Variants in LPAR1 observed in about 807,000 individuals in gnomAD.
LPAR1 encodes LPA receptor 1.
A neutral mutation model predicts 23.8 loss-of-function variants in LPAR1; 5 were observed. The ratio of observed to expected loss-of-function variants is 0.21; its 90% CI spans 0.11 to 0.44. LPAR1 has a LOEUF of 0.44. LPAR1 is among the 20% of genes least tolerant of loss of function. LPAR1 has a pLI of 0.99. For synonymous variants in LPAR1, 160 were observed against 164.7 expected (o/e 0.97, Z 0.22); for missense variants, 311 against 482.8 (o/e 0.64, Z 3.33).
intron 5 of LPAR1, among the ~76,000 whole-genome samples, chr9:110,934,856 AGAGAG>A (rs1295260244): frequency 1.3e-5 from 2 of 152,050 alleles, no homozygotes; most frequent in African/African-American, 2.4e-5. Context: ...AGAGTGAGAG[AGAGAG>A]GAGAGGAGAG....
chr9:110,884,129 C>T (rs1372011044), intron 5 of LPAR1, among the ~76,000 whole-genome samples: 1 of 152,190 alleles, frequency 6.6e-6, no homozygotes, highest in Non-Finnish European at 1.5e-5. Flanking sequence ...CGAGTCCTTA[C>T]TTACTCGCCA....
At chr9:111,027,798 A>G (rs1369607744) in intron 2 of LPAR1, among the ~76,000 whole-genome samples, 1 of 147,920 alleles carries the variant, frequency 6.8e-6, no homozygotes, top group Non-Finnish European at 1.5e-5. Flanking sequence ...CACTGTGTGG[A>G]TAAGCTCAAA....
At chr9:110,877,722 T>C (rs1056052660) in intron 5 of LPAR1, among the ~76,000 whole-genome samples, 3 of 152,230 alleles carry the variant, frequency 2.0e-5, no homozygotes, top group Admixed American at 2.0e-4. Context: ...CCCTTCCTTT[T>C]ATCAAAGCTC....
chr9:110,878,951 T>C (rs1433209239), intron 5 of LPAR1, among the ~76,000 whole-genome samples: 1 of 152,024 alleles, frequency 6.6e-6, no homozygotes, highest in Admixed American at 6.5e-5. Flanking sequence ...GGGAAGCAAA[T>C]CATTTTGGAG....
chr9:111,010,426 A>G (rs2097311422), intron 2 of LPAR1, among the ~76,000 whole-genome samples: 1 of 152,088 alleles, frequency 6.6e-6, no homozygotes, highest in Admixed American at 6.6e-5. Context: ...TGGGAACCAG[A>G]GCAGTGGAAG....
chr9:110,924,920 A>T (rs2093900246), intron 5 of LPAR1, among the ~76,000 whole-genome samples: 1 of 152,086 alleles, frequency 6.6e-6, no homozygotes, highest in African/African-American at 2.4e-5. Context: ...CTCAATAATT[A>T]TCTATGTATA....
chr9:110,977,859 GGAAGGAA>G (rs2096590410), intron 2 of LPAR1, among the ~76,000 whole-genome samples: 20 of 111,598 alleles, frequency 1.8e-4, no homozygotes, highest in African/African-American at 7.2e-4. Context: ...AAGGAAGGAA[GGAAGGAA>G]GGAAGGAAGG....
At chr9:110,888,108 C>T (rs1006074075) in intron 5 of LPAR1, among the ~76,000 whole-genome samples, 2 of 152,102 alleles carry the variant, frequency 1.3e-5, no homozygotes, top group African/African-American at 4.8e-5. Flanking sequence ...ATGCCTCTAA[C>T]AGTGTTTAGA....
chr9:110,970,031 T>A (rs1260049739), intron 4 of LPAR1, among the ~76,000 whole-genome samples: 1 of 152,160 alleles, frequency 6.6e-6, no homozygotes, highest in South Asian at 2.1e-4. Context: ...GAGTACACAT[T>A]TCCCCCAGTG....
At chr9:110,988,960 A>AAAAG (rs377547866) in intron 2 of LPAR1, among the ~76,000 whole-genome samples, 3 of 152,196 alleles carry the variant, frequency 2.0e-5, no homozygotes, top group Non-Finnish European at 4.4e-5. Context: ...CAGCAACAAA[A>AAAAG]AAAGAAAGAA....
intron 2 of LPAR1, among the ~76,000 whole-genome samples, chr9:111,003,678 AGCCAAT>A (rs1341397633): frequency 6.6e-6 from 1 of 152,162 alleles, no homozygotes; most frequent in African/African-American, 2.4e-5. Flanking sequence ...GTCACCCATG[AGCCAAT>A]GCAGTGTGGC....
intron 5 of LPAR1, among the ~76,000 whole-genome samples, chr9:110,928,739 A>AG (rs2094207596): frequency 6.6e-6 from 1 of 152,166 alleles, no homozygotes; most frequent in Non-Finnish European, 1.5e-5. Flanking sequence ...CAATATACAA[A>AG]GGAGTACCAC....
intron 5 of LPAR1, among the ~76,000 whole-genome samples, chr9:110,881,183 A>G (rs527575114): frequency 4.0e-5 from 6 of 151,892 alleles, no homozygotes; most frequent in Middle Eastern, 3.4e-3. Flanking sequence ...TACCAATTTT[A>G]CTCCATCTAG....
In LPAR1 at chr9:110,960,913, T is replaced by C. The variant is rs183621597; in HGVS notation, c.45+11160A>G. ...CAGGTCAAAACAATGTAATAATTCA[T>C]ACTGACAAAAATGAAAAATTATTTT... On this transcript the variant is annotated intron_variant, in intron 4 of 5. Transcript: ENST00000683809. Among the ~76,000 whole-genome samples, 9 of 152,306 alleles carry C rather than the reference T, an allele frequency of 5.9e-5. No individual in the cohort carries two copies. The East Asian group carries it at 1.5e-3, about 26-fold the overall frequency.
chr9:110,896,950 G>T (rs1362259793), intron 5 of LPAR1, among the ~76,000 whole-genome samples: 6 of 151,992 alleles, frequency 3.9e-5, no homozygotes, highest in Non-Finnish European at 8.8e-5. Context: ...ACCACGCCTG[G>T]CTAATTTTTT....
chr9:110,988,601 A>T (rs560114467), intron 2 of LPAR1, among the ~76,000 whole-genome samples: 4 of 128,324 alleles, frequency 3.1e-5, no homozygotes, highest in Admixed American at 7.9e-5. Context: ...TTCACACTTC[A>T]TAACTACTAG....
chr9:110,874,616 T>C lies in LPAR1; in HGVS notation c.*805A>G, dbSNP rs1236598572. 1 of 152,638 alleles carries C rather than the reference T, an allele frequency of 6.6e-6. No homozygotes were observed. Among genetic ancestry groups the C allele is most frequent in the Admixed American group, 6.5e-5 (1 of 15,276 alleles). The allele number at this position is 152,638 out of a possible 1,614,324, so 9.5% of individuals were successfully genotyped here. On this transcript the variant is annotated 3_prime_UTR_variant, in exon 6 of 6. Transcript: ENST00000683809. ...AATGTACTTGGGTATTTTAAATATA[T>C]GGGAACAATATTATAGTGCTTCATC...
chr9:111,003,445 G>A (rs2097164391), intron 2 of LPAR1, among the ~76,000 whole-genome samples: 1 of 152,158 alleles, frequency 6.6e-6, no homozygotes, highest in Non-Finnish European at 1.5e-5. Flanking sequence ...TAGGGACAAT[G>A]AATGTAATTT....
At chr9:110,915,759 G>C (rs558279391) in intron 5 of LPAR1, among the ~76,000 whole-genome samples, 1 of 152,048 alleles carries the variant, frequency 6.6e-6, no homozygotes, top group Non-Finnish European at 1.5e-5. Flanking sequence ...GGATATGAAT[G>C]GTTTAAATTC....
Sources: allele counts gnomAD v4.1 joint callset (sites outside exome capture counted in the v4.1 genomes callset), GRCh38; gene constraint gnomAD v4.1.1; transcripts MANE v1.5; gene names NCBI Gene and HGNC (gene_info 2026-07-23, HGNC 2026-07-21).